The following RAPH1 variants were observed in gnomAD, a reference collection of about 807,000 sequenced individuals.
The protein encoded by RAPH1 is Ras association (RalGDS/AF-6) and pleckstrin homology domains 1, also known as ras-associated and pleckstrin homology domains-containing protein 1.
In RAPH1, 18 loss-of-function variants were observed where a neutral mutation model predicts 88.1. The ratio of observed to expected loss-of-function variants is 0.20; its 90% CI spans 0.14 to 0.30. The LOEUF is 0.30. Ranked by LOEUF, RAPH1 falls within the 10% of genes least tolerant of loss-of-function variation. The pLI, the probability that RAPH1 is intolerant of heterozygous loss-of-function variation, is 1.00. For missense variants in RAPH1, 1,448 were observed against 1,543.2 expected (o/e 0.94, Z 1.03); for synonymous variants, 587 against 559.0 (o/e 1.05, Z -0.71).
chr2:203,455,067 AG>A (rs2098518169), intron 9 of RAPH1, among the ~76,000 whole-genome samples: 1 of 151,474 alleles, frequency 6.6e-6, no homozygotes, highest in Admixed American at 6.6e-5. Flanking sequence ...TAGCTACACC[AG>A]GGTGGCCCTT....
chr2:203,468,076 A>T (rs143933863), intron 4 of RAPH1, among the ~76,000 whole-genome samples: 135 of 152,304 alleles, frequency 8.9e-4, no homozygotes, highest in African/African-American at 3.1e-3. Flanking sequence ...TGTTTATCCA[A>T]AACTTGCAAA....
At chr2:203,501,933 G>T (rs574073773) in intron 1 of RAPH1, among the ~76,000 whole-genome samples, 3 of 152,120 alleles carry the variant, frequency 2.0e-5, no homozygotes, top group African/African-American at 7.2e-5. Context: ...GGCTCAAGCA[G>T]TCCTCCTGCC....
chr2:203,524,231 C>T (rs146719727), intron 1 of RAPH1, among the ~76,000 whole-genome samples: 21 of 152,146 alleles, frequency 1.4e-4, no homozygotes, highest in East Asian at 9.6e-4. Flanking sequence ...ATTAAAGCTA[C>T]GGTTATATCA....
chr2:203,434,119 A>T lies in RAPH1; in HGVS notation c.*5318T>A, dbSNP rs1178569516. 1 of 152,176 alleles carries T rather than the reference A, an allele frequency of 6.6e-6. No individual in the cohort carries two copies. The highest frequency in any genetic ancestry group is 6.6e-5 in the Admixed American group (1 of 15,224). 9.4% of individuals were successfully genotyped at this position (152,176 alleles called of 1,614,324 possible). A position where few individuals can be genotyped will look rare whatever the true frequency, so the allele number is the denominator to read the frequency against. On this transcript the variant is annotated 3_prime_UTR_variant, in exon 14 of 14. Coordinates refer to ENST00000319170, the MANE Select transcript of RAPH1 (RefSeq NM_213589.3). ...AGGGAGCAAGGCACATAATGAAATGAGCATACATTTATGCAGAAGAAAATA... is the reference window on the plus strand; with the variant it reads ...AGGGAGCAAGGCACATAATGAAATGTGCATACATTTATGCAGAAGAAAATA...
chr2:203,457,160 G>A (rs1372338851), intron 8 of RAPH1, among the ~76,000 whole-genome samples: 1 of 151,520 alleles, frequency 6.6e-6, no homozygotes, highest in East Asian at 1.9e-4. Flanking sequence ...CTTCAAAAAG[G>A]TATTTAATAT....
At chr2:203,485,410 CAAAAAAAAAAA>C (rs71007521) in intron 4 of RAPH1, among the ~76,000 whole-genome samples, 1 of 93,496 alleles carries the variant, frequency 1.1e-5, no homozygotes, top group African/African-American at 3.9e-5. Context: ...GACTCTGTCT[CAAAAAAAAAAA>C]AAAAAAAAAG....
In RAPH1 at chr2:203,488,602, A is replaced by AC. The variant is rs1436246161; in HGVS notation, c.732+981_732+982insG. The stretch of plus-strand genomic sequence containing the variant: ...ACTCCGTCTATTAAAAAAAAAAAAA[A>AC]AAAAAAAAAAAAAAAACCTGTTTAT... On this transcript the variant is annotated intron_variant, in intron 4 of 13. Transcript: ENST00000319170. 4.7e-5 allele frequency among the ~76,000 whole-genome samples: 7 copies of AC among 147,902 alleles called. No homozygotes were observed. The East Asian group carries it at 6.1e-4, about 13-fold the overall frequency.
At chr2:203,462,180 G>A (rs2098524685) in intron 4 of RAPH1, among the ~76,000 whole-genome samples, 1 of 152,192 alleles carries the variant, frequency 6.6e-6, no homozygotes, top group Admixed American at 6.5e-5. Context: ...ACTCTGTGAT[G>A]TAGTAAATTA....
At chr2:203,529,005 AT>A (rs66832810) in intron 1 of RAPH1, among the ~76,000 whole-genome samples, 158 of 41,096 alleles carry the variant, frequency 3.8e-3, no homozygotes, top group African/African-American at 7.4e-3. Flanking sequence ...ATATATATAT[AT>A]TTTTTTTTTT....
chr2:203,460,123 T>A, intron 6 of RAPH1, 95 bp from the exon 7 acceptor site: 1 of 1,086,846 alleles, frequency 9.2e-7, no homozygotes, highest in Non-Finnish European at 1.3e-6. Flanking sequence ...CAGAACCACA[T>A]AATCTTAACC....
chr2:203,482,836 A>C (rs567975340), intron 4 of RAPH1, among the ~76,000 whole-genome samples: 10 of 152,008 alleles, frequency 6.6e-5, no homozygotes, highest in East Asian at 3.9e-4. Context: ...CAAAACAAAA[A>C]AAAGGTAATA....
At chr2:203,473,827 T>C (rs2098535169) in intron 4 of RAPH1, among the ~76,000 whole-genome samples, 1 of 152,226 alleles carries the variant, frequency 6.6e-6, no homozygotes, top group Non-Finnish European at 1.5e-5. Flanking sequence ...CAAGGGCTTA[T>C]TTTCAATCCA....
intron 12 of RAPH1, 83 bp downstream of exon 12, chr2:203,447,876 T>G: frequency 2.1e-6 from 3 of 1,417,124 alleles, no homozygotes; most frequent in Non-Finnish European, 2.9e-6. Flanking sequence ...AAGAATCAAG[T>G]TGAAATTTCC....
chr2:203,434,037 C>T lies in RAPH1; in HGVS notation c.*5400G>A, dbSNP rs1347365626. On this transcript the variant is annotated 3_prime_UTR_variant, in exon 14 of 14. Transcript: ENST00000319170. ...TCAGTAGTACTGAATATATCTCTCT[C>T]ATATATCTATCTATCTATCTATATA... 2.3e-5 allele frequency: 3 copies of T among 131,360 alleles called. No homozygotes were observed. Among genetic ancestry groups the T allele is most frequent in the Non-Finnish European group, 4.7e-5 (3 of 63,616 alleles). The allele number at this position is 131,360 out of a possible 1,614,324, so 8.1% of individuals were successfully genotyped here.
chr2:203,464,274 CT>C (rs1559464086), intron 4 of RAPH1, among the ~76,000 whole-genome samples: 1 of 152,068 alleles, frequency 6.6e-6, no homozygotes, highest in Non-Finnish European at 1.5e-5. Flanking sequence ...TAAACATGAA[CT>C]TTTTTCTTTT....
chr2:203,437,334 A>AT lies in RAPH1; in HGVS notation c.*2102dup, dbSNP rs1437898290. 6.6e-6 allele frequency: 1 copy of AT among 152,214 alleles called. No individual in the cohort carries two copies. Among genetic ancestry groups the AT allele is most frequent in the African/African-American group, 2.4e-5 (1 of 41,446 alleles). The allele number at this position is 152,214 out of a possible 1,614,324, so 9.4% of individuals were successfully genotyped here. On this transcript the variant is annotated 3_prime_UTR_variant, in exon 14 of 14. Transcript: ENST00000319170. ...CAAAACCTCAGGGATGAATACTTTG[A>AT]TAACTGGATTCATATTCTTACTAAC...
At chr2:203,516,718 T>TGA (rs1484713408) in intron 1 of RAPH1, among the ~76,000 whole-genome samples, 1 of 151,154 alleles carries the variant, frequency 6.6e-6, no homozygotes, top group Non-Finnish European at 1.5e-5. Context: ...GACAACAGAG[T>TGA]GAGACTATGT....
chr2:203,524,437 A>G (rs1489619328), intron 1 of RAPH1, among the ~76,000 whole-genome samples: 1 of 152,226 alleles, frequency 6.6e-6, no homozygotes, highest in Non-Finnish European at 1.5e-5. Flanking sequence ...TCCTCAAGAA[A>G]TGAAAACCTG....
chr2:203,447,294 G>T, intron 12 of RAPH1: 1 of 151,620 alleles, frequency 6.6e-6, no homozygotes. Context: ...TATGATCTAG[G>T]GACTGGGTAT....
Sources: gnomAD v4.1 joint callset for allele counts (sites outside exome capture counted in the v4.1 genomes callset) on GRCh38, gnomAD v4.1.1 for gene constraint, MANE v1.5 for transcripts, NCBI Gene and HGNC (gene_info 2026-07-23, HGNC 2026-07-21) for gene names.